Variants in GLI1 observed in about 807,000 individuals in gnomAD.
The protein encoded by GLI1 is transcription activator GLI1.
GLI1 carries 51 observed loss-of-function variants against 87.8 expected under a neutral mutation model. The observed-to-expected ratio is 0.58, with a 90% CI of 0.46 to 0.73. The LOEUF is 0.73. Among genes scored for constraint, GLI1 ranks in the 30% least tolerant of loss-of-function variants. GLI1 has a pLI of 0.00. For missense variants in GLI1, 1,292 were observed against 1,437.2 expected (o/e 0.90, Z 1.63); for synonymous variants, 528 against 558.2 (o/e 0.95, Z 0.76).
At chr12:57,465,371 G>C in intron 5 of GLI1, 116 bp downstream of exon 5, 1 of 973,462 alleles carries the variant, frequency 1.0e-6, no homozygotes, top group Non-Finnish European at 1.5e-6. Flanking sequence ...TACTAGAAAA[G>C]TAAAGAGGTG....
chr12:57,466,788 CT>C (rs1228723621), intron 8 of GLI1, among the ~76,000 whole-genome samples: 8 of 152,008 alleles, frequency 5.3e-5, no homozygotes, highest in African/African-American at 1.9e-4. Context: ...CCTGTAGTCC[CT>C]GCTACTTGGG....
Position 57,470,673 on chromosome 12 carries a change from G to A in GLI1, c.1933G>A (p.Ala645Thr). Residue 645 changes from alanine to threonine, a missense_variant, in exon 12 of 12, where the codon GCT (alanine) becomes ACT (threonine). Around this residue, in one of 3 missense-constraint regions of GLI1, gnomAD observed 897 missense variants for 1,040.7 expected, o/e 0.86. Coordinates refer to ENST00000228682, the MANE Select transcript of GLI1 (RefSeq NM_005269.3). Reference protein sequence around the residue: ...VTRRASDPAQAADRPAPARVQ... With the variant: ...VTRRASDPAQTADRPAPARVQ... Reference sequence around the variant, plus strand: ...CCGGAGGGCCAGTGACCCAGCCCAGGCTGCTGACCGTCCTGCTCCAGCTAG... The same window carrying A: ...CCGGAGGGCCAGTGACCCAGCCCAGACTGCTGACCGTCCTGCTCCAGCTAG... 6.2e-7 allele frequency: 1 copy of A among 1,613,292 alleles called. No homozygotes were observed. Among genetic ancestry groups the A allele is most frequent in the South Asian group, 1.1e-5 (1 of 91,046 alleles).
At chr12:57,462,510 A>C (rs1871212287) in intron 1 of GLI1, among the ~76,000 whole-genome samples, 2 of 150,616 alleles carry the variant, frequency 1.3e-5, no homozygotes, top group African/African-American at 4.9e-5. Context: ...GATGGAGTCA[A>C]AACTGGAGTT....
intron 3 of GLI1, 128 bp downstream of exon 3, chr12:57,464,219 T>C: frequency 1.4e-6 from 1 of 722,166 alleles, no homozygotes. Flanking sequence ...CAGAGCACCA[T>C]CAAGAAGTCA....
intron 8 of GLI1, 128 bp downstream of exon 8, chr12:57,466,517 T>A (rs1871497053): frequency 1.6e-6 from 1 of 644,382 alleles, no homozygotes; most frequent in East Asian, 3.0e-5. Flanking sequence ...AAATAATGTT[T>A]GTGTGACTGT....
intron 8 of GLI1, 94 bp downstream of exon 8, chr12:57,466,483 C>A: frequency 2.4e-6 from 2 of 831,436 alleles, no homozygotes; most frequent in South Asian, 4.0e-5. Context: ...TTTATAAGTC[C>A]TTTCTTCCAT....
At chr12:57,466,170 G>T in intron 7 of GLI1, 70 bp from the exon 8 acceptor site, 1 of 1,487,922 alleles carries the variant, frequency 6.7e-7, no homozygotes, top group South Asian at 1.3e-5. Flanking sequence ...ACAGGGGGTG[G>T]AGGGAAGGTC....
At chr12:57,463,839 C>T in intron 2 of GLI1, 48 bp downstream of exon 2, 4 of 1,178,418 alleles carry the variant, frequency 3.4e-6, no homozygotes, top group Non-Finnish European at 5.0e-6. Context: ...GGCAGATCTC[C>T]CACTTGGGCC....
intron 7 of GLI1, 117 bp downstream of exon 7, chr12:57,466,042 G>T (rs1594745049): frequency 2.7e-6 from 3 of 1,130,598 alleles, no homozygotes; most frequent in Non-Finnish European, 2.6e-6. Flanking sequence ...TGAATGCTCA[G>T]TTGGGTAGGC....
At chr12:57,462,949 C>G (rs964939081) in intron 1 of GLI1, among the ~76,000 whole-genome samples, 41 of 152,194 alleles carry the variant, frequency 2.7e-4, no homozygotes, top group African/African-American at 9.4e-4. Context: ...TCAGATCCAT[C>G]ACACGAGTTC....
chr12:57,464,778 G>A lies in GLI1; in HGVS notation c.299G>A (p.Arg100His), dbSNP rs763470494. Residue 100 changes from arginine to histidine, a missense_variant, in exon 4 of 12, where the codon CGC (arginine) becomes CAC (histidine). Transcript: ENST00000228682. ...DASLDLQTVI[R>H]TSPSSLVAFI... ...AGCCTGGACCTGCAGACGGTTATCC[G>A]CACCTCACCCAGCTCCCTCGTAGCT... 9 of 1,613,650 alleles carry A rather than the reference G, an allele frequency of 5.6e-6. No homozygotes were observed. Among genetic ancestry groups the A allele is most frequent in the Non-Finnish European group, 5.9e-6 (7 of 1,179,766 alleles).
chr12:57,469,743 C>G (rs1871746034), intron 11 of GLI1, 45 bp downstream of exon 11: 2 of 1,593,848 alleles, frequency 1.3e-6, no homozygotes, highest in Non-Finnish European at 8.6e-7. Context: ...AGATCTGGAC[C>G]TGCCCTGAGG....
chr12:57,464,786 C>T lies in GLI1; in HGVS notation c.307C>T (p.Pro103Ser), dbSNP rs1029168886. ...LDLQTVIRTS[P>S]SSLVAFINSR... ...CCTGCAGACGGTTATCCGCACCTCA[C>T]CCAGCTCCCTCGTAGCTTTCATCAA... The change falls in exon 4 of 12, where the codon CCC becomes TCC. Residue 103 changes from proline (P) to serine (S), a missense_variant. By Grantham distance (74) the Pro-to-Ser change is moderately conservative. Coordinates refer to ENST00000228682, the MANE Select transcript of GLI1 (RefSeq NM_005269.3). 11 of 1,613,870 alleles carry T rather than the reference C, an allele frequency of 6.8e-6. No homozygotes were observed. In the African/African-American group the frequency reaches 1.3e-4, roughly 20 times the overall value.
At position 57,464,104 on chromosome 12, in the gene GLI1, G is replaced by C. The variant is rs1306106654; in HGVS notation, c.193+13G>C. ...AGCTGCACCGAGGGTGAGGGCTCAGGCAACACCTCTTCCCTTTCTGCCCCT... is the reference window on the plus strand; with the variant it reads ...AGCTGCACCGAGGGTGAGGGCTCAGCCAACACCTCTTCCCTTTCTGCCCCT... On this transcript the variant is annotated intron_variant, in intron 3 of 11. Coordinates refer to ENST00000228682, the MANE Select transcript of GLI1 (RefSeq NM_005269.3). 1 of 1,513,136 alleles carries C rather than the reference G, an allele frequency of 6.6e-7. No individual in the cohort carries two copies. The highest frequency in any genetic ancestry group is 1.1e-5 in the South Asian group (1 of 89,098). The allele number at this position is 1,513,136 out of a possible 1,614,324, so 93.7% of individuals were successfully genotyped here. A position where few individuals can be genotyped will look rare whatever the true frequency, so the allele number is the denominator to read the frequency against.
At chr12:57,463,917 A>G in intron 2 of GLI1, 82 bp from the exon 3 acceptor site, 1 of 1,174,692 alleles carries the variant, frequency 8.5e-7, no homozygotes, top group Non-Finnish European at 1.3e-6. Flanking sequence ...TGGACCTGGA[A>G]TCTGGGATCA....
In GLI1 at chr12:57,468,200, A is replaced by G; in HGVS notation, c.1284A>G (p.Arg428=). 6.2e-7 allele frequency: 1 copy of G among 1,613,816 alleles called. No homozygotes were observed. The highest frequency in any genetic ancestry group is 1.7e-4 in the Middle Eastern group (1 of 6,058). ...REGGPIREES[R]LTVPEGAMKP... ...GAGGTCCCATCAGGGAGGAAAGCAG[A>G]CTGACTGTGCCAGAGGGTGCCATGG... The change falls in exon 10 of 12, where the codon AGA becomes AGG. Residue 428 remains arginine, a synonymous_variant. Transcript: ENST00000228682.
Position 57,470,359 on chromosome 12 carries a change from A to G in GLI1, c.1619A>G (p.Glu540Gly). 1 of 1,604,318 alleles carries G rather than the reference A, an allele frequency of 6.2e-7. No homozygotes were observed. Among genetic ancestry groups the G allele is most frequent in the Non-Finnish European group, 8.5e-7 (1 of 1,174,638 alleles). Reference protein sequence around the residue: ...SRRVGPPVSLERRSSSSSSIS... With the variant: ...SRRVGPPVSLGRRSSSSSSIS... ...CGCGTGGGCCCCCCAGTCTCTCTTG[A>G]ACGCCGCAGCAGCAGCTCCAGCAGC... is the stretch of plus-strand genomic sequence containing the variant. Residue 540 changes from glutamate (E) to glycine (G), a missense_variant, in exon 12 of 12, where the codon GAA becomes GGA. Transcript: ENST00000228682.
Position 57,466,324 on chromosome 12 carries a change from A to T in GLI1, c.847A>T (p.Lys283Ter), listed in dbSNP as rs2139856454. ...GGCSRELRPF[K>*]AQYMLVVHMR... is the part of the protein sequence containing the mutation. ...CTGCTCCAGGGAGCTGAGGCCCTTC[A>T]AAGCCCAGTACATGCTGGTGGTTCA... is the stretch of plus-strand genomic sequence containing the variant. The change falls in exon 8 of 12, where the codon AAA (lysine) becomes TAA (stop). Residue 283 changes from lysine to a stop codon, truncating the protein, a stop_gained. Transcript: ENST00000228682. LOFTEE classifies it high-confidence loss of function. 1 of 1,614,094 alleles carries T rather than the reference A, an allele frequency of 6.2e-7. No individual in the cohort carries two copies. The highest frequency in any genetic ancestry group is 8.5e-7 in the Non-Finnish European group (1 of 1,179,964).
At chr12:57,465,573 A>G in intron 5 of GLI1, 34 bp from the exon 6 acceptor site, 2 of 1,558,322 alleles carry the variant, frequency 1.3e-6, no homozygotes, top group Non-Finnish European at 1.8e-6. Flanking sequence ...GCTTACTTCC[A>G]CCCTCATCAC....
Sources: allele counts gnomAD v4.1 joint callset (sites outside exome capture counted in the v4.1 genomes callset), GRCh38; gene constraint gnomAD v4.1.1; regional missense constraint gnomAD v4.1.1; transcripts MANE v1.5; gene names NCBI Gene and HGNC (gene_info 2026-07-23, HGNC 2026-07-21).